ADGRL3: variants seen among roughly 807,000 people sequenced by gnomAD.
The protein encoded by ADGRL3 is calcium-independent alpha-latrotoxin receptor 3.
In ADGRL3, 62 loss-of-function variants were observed where a neutral mutation model predicts 153.5. The ratio of observed to expected loss-of-function variants is 0.40; its 90% CI spans 0.33 to 0.50. The LOEUF is 0.50. ADGRL3 is among the 20% of genes least tolerant of loss of function. ADGRL3 has a pLI of 0.47. For synonymous variants in ADGRL3, 710 were observed against 672.5 expected (o/e 1.06, Z -0.86); for missense variants, 1,641 against 1,859.4 (o/e 0.88, Z 2.16).
chr4:61,219,749 A>G (rs913736589), intron 1 of ADGRL3, among the ~76,000 whole-genome samples: 1 of 152,132 alleles, frequency 6.6e-6, no homozygotes, highest in Non-Finnish European at 1.5e-5. Flanking sequence ...TCTCTCTCTT[A>G]TGGCATTTCT....
At chr4:61,277,359 G>C (rs1376382154) in intron 1 of ADGRL3, among the ~76,000 whole-genome samples, 1 of 152,098 alleles carries the variant, frequency 6.6e-6, no homozygotes, top group African/African-American at 2.4e-5. Flanking sequence ...GATGAATGCA[G>C]ATAACATAAA....
intron 17 of ADGRL3, among the ~76,000 whole-genome samples, chr4:61,957,814 T>A (rs1303648920): frequency 6.6e-6 from 1 of 152,070 alleles, no homozygotes; most frequent in African/African-American, 2.4e-5. Context: ...ATGTTGAACC[T>A]TTTAGTGAGT....
chr4:61,449,304 T>G (rs2097645986), intron 2 of ADGRL3, among the ~76,000 whole-genome samples: 2 of 152,016 alleles, frequency 1.3e-5, no homozygotes, highest in South Asian at 4.2e-4. Flanking sequence ...GCCCAGCTAA[T>G]TTTTGTATTT....
intron 5 of ADGRL3, among the ~76,000 whole-genome samples, chr4:61,631,071 G>A (rs2093136201): frequency 6.6e-6 from 1 of 152,092 alleles, no homozygotes; most frequent in African/African-American, 2.4e-5. Flanking sequence ...AAAAATTGTG[G>A]CAGTTACCTT....
intron 1 of ADGRL3, among the ~76,000 whole-genome samples, chr4:61,268,662 A>T (rs1037134514): frequency 7.9e-5 from 12 of 151,586 alleles, no homozygotes; most frequent in African/African-American, 4.8e-5. Flanking sequence ...TTTTCATTTT[A>T]TTCCAGTGGT....
chr4:61,326,203 C>A (rs765899309), intron 1 of ADGRL3, among the ~76,000 whole-genome samples: 9 of 151,998 alleles, frequency 5.9e-5, no homozygotes, highest in Non-Finnish European at 1.0e-4. Flanking sequence ...ATAAGCATTT[C>A]TTGAGTAGTT....
intron 5 of ADGRL3, among the ~76,000 whole-genome samples, chr4:61,641,362 T>A (rs1364422080): frequency 1.3e-5 from 2 of 152,130 alleles, no homozygotes; most frequent in East Asian, 3.9e-4. Flanking sequence ...TGTATACATG[T>A]GCCATGCTGG....
At chr4:61,893,640 T>C (rs1268096422) in intron 10 of ADGRL3, among the ~76,000 whole-genome samples, 2 of 151,760 alleles carry the variant, frequency 1.3e-5, no homozygotes, top group East Asian at 3.9e-4. Flanking sequence ...CACTCACTCA[T>C]GCATCCACCA....
At chr4:61,704,204 A>T (rs1439918657) in intron 6 of ADGRL3, among the ~76,000 whole-genome samples, 1 of 152,184 alleles carries the variant, frequency 6.6e-6, no homozygotes, top group Non-Finnish European at 1.5e-5. Flanking sequence ...AATGTATCAG[A>T]GTCTCCCACT....
chr4:61,988,026 T>C (rs1374384402), intron 19 of ADGRL3, among the ~76,000 whole-genome samples: 1 of 152,146 alleles, frequency 6.6e-6, no homozygotes, highest in Non-Finnish European at 1.5e-5. Flanking sequence ...AAATAAATGC[T>C]ATTTTGACAG....
chr4:61,296,465 G>A (rs1311868361), intron 1 of ADGRL3, among the ~76,000 whole-genome samples: 1 of 151,638 alleles, frequency 6.6e-6, no homozygotes, highest in African/African-American at 2.4e-5. Flanking sequence ...CAGCAGATTT[G>A]TAAATTCAGT....
intron 1 of ADGRL3, among the ~76,000 whole-genome samples, chr4:61,297,127 A>G (rs2094437038): frequency 6.6e-6 from 1 of 152,154 alleles, no homozygotes; most frequent in Non-Finnish European, 1.5e-5. Flanking sequence ...CAATGAGCCT[A>G]TTTCTGTGTT....
chr4:61,451,251 T>C (rs1287218827), intron 2 of ADGRL3, among the ~76,000 whole-genome samples: 1 of 152,138 alleles, frequency 6.6e-6, no homozygotes, highest in Non-Finnish European at 1.5e-5. Context: ...TTGTCAGACA[T>C]TCCTATAAAA....
At chr4:61,945,449 TGTG>T in intron 15 of ADGRL3, among the ~76,000 whole-genome samples, 1 of 104,908 alleles carries the variant, frequency 9.5e-6, no homozygotes, top group Non-Finnish European at 1.9e-5. Flanking sequence ...CTCCTTGAGC[TGTG>T]GTGGGCTCCA....
chr4:61,451,797 G>A (rs2097677519), intron 2 of ADGRL3, among the ~76,000 whole-genome samples: 1 of 152,084 alleles, frequency 6.6e-6, no homozygotes, highest in African/African-American at 2.4e-5. Context: ...TCTGGTTACT[G>A]CTTCAGCGGT....
chr4:61,256,269 T>G (rs2091956633), intron 1 of ADGRL3, among the ~76,000 whole-genome samples: 1 of 152,200 alleles, frequency 6.6e-6, no homozygotes, highest in African/African-American at 2.4e-5. Flanking sequence ...ATTTTTTTCT[T>G]TATCCTTTAC....
chr4:62,022,297 G>A (rs1424782433), intron 21 of ADGRL3, among the ~76,000 whole-genome samples: 2 of 152,174 alleles, frequency 1.3e-5, no homozygotes, highest in Admixed American at 1.3e-4. Context: ...GAAAGCTGTA[G>A]AAGAAAAGTT....
At chr4:61,210,581 A>G (rs941764540) in intron 1 of ADGRL3, among the ~76,000 whole-genome samples, 6 of 152,160 alleles carry the variant, frequency 3.9e-5, no homozygotes, top group African/African-American at 1.4e-4. Context: ...AAACTCTTCC[A>G]AAGACTTTTG....
At chr4:62,050,640 T>A (rs542916604) in intron 25 of ADGRL3, among the ~76,000 whole-genome samples, 3 of 152,190 alleles carry the variant, frequency 2.0e-5, no homozygotes, top group African/African-American at 7.2e-5. Flanking sequence ...TTCACTGCAA[T>A]TAATGATTTA....
Sources: allele counts gnomAD v4.1 joint callset (sites outside exome capture counted in the v4.1 genomes callset), GRCh38; gene constraint gnomAD v4.1.1; transcripts MANE v1.5; gene names NCBI Gene and HGNC (gene_info 2026-07-23, HGNC 2026-07-21).